CTNNA3: variants seen among roughly 807,000 people sequenced by gnomAD.
The protein encoded by CTNNA3 is catenin alpha 3.
A neutral mutation model predicts 95.7 loss-of-function variants in CTNNA3; 76 were observed. The ratio of observed to expected loss-of-function variants is 0.79; its 90% CI spans 0.66 to 0.96. CTNNA3 has a LOEUF of 0.96. Ranked by LOEUF, CTNNA3 falls within the 40% of genes least tolerant of loss-of-function variation. The pLI, the probability that CTNNA3 is intolerant of heterozygous loss-of-function variation, is 0.00. For synonymous variants in CTNNA3, 431 were observed against 374.4 expected, an observed-to-expected ratio of 1.15 and a Z score of -1.74; for missense variants, 1,191 against 1,089.8, an observed-to-expected ratio of 1.09 and a Z score of -1.31.
At chr10:66,384,300 G>T (rs190521172) in intron 11 of CTNNA3, among the ~76,000 whole-genome samples, 2 of 152,246 alleles carry the variant, frequency 1.3e-5, no homozygotes, top group African/African-American at 4.8e-5. Context: ...TGCAATCCTA[G>T]TCTCTGATAA....
intron 9 of CTNNA3, among the ~76,000 whole-genome samples, chr10:66,763,706 C>G (rs946286751): frequency 6.6e-6 from 1 of 152,174 alleles, no homozygotes; most frequent in Admixed American, 6.5e-5. Flanking sequence ...ACAACTGCAG[C>G]TTCCTAATTC....
chr10:66,524,940 T>G (rs1324289392), intron 10 of CTNNA3, among the ~76,000 whole-genome samples: 1 of 151,862 alleles, frequency 6.6e-6, no homozygotes, highest in African/African-American at 2.4e-5. Flanking sequence ...TCCCAGCTAC[T>G]TGGGAGGCTG....
At chr10:66,996,416 C>T (rs1163809818) in intron 7 of CTNNA3, among the ~76,000 whole-genome samples, 4 of 151,926 alleles carry the variant, frequency 2.6e-5, no homozygotes, top group Non-Finnish European at 5.9e-5. Context: ...GAGGCCGAGA[C>T]GGGCAGATTG....
chr10:66,798,245 A>G (rs1469875148), intron 7 of CTNNA3, among the ~76,000 whole-genome samples: 1 of 151,894 alleles, frequency 6.6e-6, no homozygotes, highest in Non-Finnish European at 1.5e-5. Context: ...CCATGGAAAC[A>G]TATTTTAAGT....
chr10:67,104,452 TATC>T (rs1189164611), intron 7 of CTNNA3, among the ~76,000 whole-genome samples: 1 of 151,968 alleles, frequency 6.6e-6, no homozygotes, highest in African/African-American at 2.4e-5. Flanking sequence ...ATAAAATAAA[TATC>T]ATTTCCTTGT....
chr10:66,803,923 T>C (rs867301604), intron 7 of CTNNA3, among the ~76,000 whole-genome samples: 1 of 151,696 alleles, frequency 6.6e-6, no homozygotes, highest in Non-Finnish European at 1.5e-5. Flanking sequence ...GACACTGATA[T>C]ACAAACTAAA....
intron 13 of CTNNA3, among the ~76,000 whole-genome samples, chr10:66,184,404 C>G (rs575234533): frequency 1.3e-5 from 2 of 152,054 alleles, no homozygotes; most frequent in South Asian, 4.2e-4. Context: ...CTTTCTCTGC[C>G]TCTGAGGTAA....
chr10:67,387,210 A>G (rs1589240175), intron 5 of CTNNA3, among the ~76,000 whole-genome samples: 1 of 152,240 alleles, frequency 6.6e-6, no homozygotes, highest in African/African-American at 2.4e-5. Context: ...CGCACCGTGC[A>G]CCAGCCGAAG....
chr10:66,956,383 C>T (rs1477153860), intron 7 of CTNNA3, among the ~76,000 whole-genome samples: 6 of 151,972 alleles, frequency 3.9e-5, no homozygotes, highest in African/African-American at 1.2e-4. Context: ...GTAGGCATTG[C>T]TTGCTATCTT....
chr10:66,474,524 T>C (rs1049174513), intron 11 of CTNNA3, among the ~76,000 whole-genome samples: 24 of 152,046 alleles, frequency 1.6e-4, no homozygotes, highest in South Asian at 6.2e-4. Context: ...AGTGCAGATA[T>C]CTTTAACACT....
chr10:66,252,245 T>G (rs1185356779), intron 13 of CTNNA3, among the ~76,000 whole-genome samples: 1 of 152,212 alleles, frequency 6.6e-6, no homozygotes, highest in Non-Finnish European at 1.5e-5. Flanking sequence ...TTTCTTTTTT[T>G]CTTTTAGCTG....
intron 3 of CTNNA3, among the ~76,000 whole-genome samples, chr10:67,580,716 T>C (rs1171032250): frequency 5.9e-5 from 9 of 152,156 alleles, no homozygotes; most frequent in Middle Eastern, 3.4e-3. Context: ...CATTTGTTTG[T>C]GTCCTCTTTT....
chr10:66,936,310 T>C (rs927281199), intron 7 of CTNNA3, among the ~76,000 whole-genome samples: 1 of 151,908 alleles, frequency 6.6e-6, no homozygotes, highest in South Asian at 2.1e-4. Flanking sequence ...ATTATACGTT[T>C]CTTAATGTTA....
chr10:66,435,814 T>G (rs1180383230), intron 11 of CTNNA3, among the ~76,000 whole-genome samples: 1 of 152,224 alleles, frequency 6.6e-6, no homozygotes, highest in East Asian at 1.9e-4. Context: ...CTGTGGGCAC[T>G]TAGTGCTATA....
chr10:66,655,647 T>A (rs1222371468), intron 9 of CTNNA3, among the ~76,000 whole-genome samples: 1 of 152,048 alleles, frequency 6.6e-6, no homozygotes, highest in East Asian at 1.9e-4. Flanking sequence ...GGCTTCAATT[T>A]TCTCAGCAAA....
At chr10:66,784,713 T>C (rs993717897) in intron 7 of CTNNA3, among the ~76,000 whole-genome samples, 2 of 152,156 alleles carry the variant, frequency 1.3e-5, no homozygotes, top group East Asian at 3.8e-4. Flanking sequence ...CAAAAACCAC[T>C]ACTTGGCTCT....
At chr10:66,756,216 G>C (rs549104552) in intron 9 of CTNNA3, among the ~76,000 whole-genome samples, 5 of 152,122 alleles carry the variant, frequency 3.3e-5, no homozygotes, top group African/African-American at 9.6e-5. Flanking sequence ...AAAAAGAGGA[G>C]GACAGGAAGA....
At chr10:67,726,657 T>A (rs866631785) in intron 1 of CTNNA3, among the ~76,000 whole-genome samples, 17 of 82,620 alleles carry the variant, frequency 2.1e-4, no homozygotes, top group East Asian at 7.9e-4. Flanking sequence ...CTATAATATA[T>A]TATATATTAT....
At chr10:66,934,802 T>C (rs1435995270) in intron 7 of CTNNA3, among the ~76,000 whole-genome samples, 1 of 152,140 alleles carries the variant, frequency 6.6e-6, no homozygotes, top group African/African-American at 2.4e-5. Context: ...ATACTACATT[T>C]AGCAAAGGCA....
Sources: gnomAD v4.1 joint callset for allele counts (sites outside exome capture counted in the v4.1 genomes callset) on GRCh38, gnomAD v4.1.1 for gene constraint, MANE v1.5 for transcripts, NCBI Gene and HGNC (gene_info 2026-07-23, HGNC 2026-07-21) for gene names.